The following PTPN12 variants were observed in gnomAD, a reference collection of about 807,000 sequenced individuals.
PTPN12 encodes the protein tyrosine-protein phosphatase non-receptor type 12.
PTPN12 carries 29 observed loss-of-function variants against 97.6 expected under a neutral mutation model. That is an observed-to-expected ratio of 0.30 (90% confidence interval 0.22 to 0.41). PTPN12 has a LOEUF of 0.41. PTPN12 is among the 10% of genes least tolerant of loss of function. The pLI is 1.00. For synonymous variants in PTPN12, 327 were observed against 300.4 expected, an observed-to-expected ratio of 1.09 and a Z score of -0.91; for missense variants, 819 against 926.0, an observed-to-expected ratio of 0.88 and a Z score of 1.50.
At chr7:77,612,384 T>C (rs1395776286) in intron 11 of PTPN12, among the ~76,000 whole-genome samples, 2 of 152,244 alleles carry the variant, frequency 1.3e-5, no homozygotes, top group African/African-American at 2.4e-5. Flanking sequence ...TATTATGACA[T>C]GCTCTGAATC....
chr7:77,584,763 G>A (rs1005813782), intron 4 of PTPN12, among the ~76,000 whole-genome samples: 1 of 151,946 alleles, frequency 6.6e-6, no homozygotes, highest in Non-Finnish European at 1.5e-5. Context: ...TGTAGTCCCA[G>A]CTACTCAGCA....
intron 12 of PTPN12, among the ~76,000 whole-genome samples, chr7:77,624,816 A>G (rs1482552505): frequency 6.6e-6 from 1 of 151,676 alleles, no homozygotes; most frequent in African/African-American, 2.4e-5. Flanking sequence ...AAAAAGGTTG[A>G]TCACCTGGGG....
At chr7:77,560,872 A>C (rs925853211) in intron 1 of PTPN12, among the ~76,000 whole-genome samples, 2 of 151,792 alleles carry the variant, frequency 1.3e-5, no homozygotes, top group African/African-American at 4.8e-5. Flanking sequence ...TTGTACAAAT[A>C]TCTGTTCGAG....
At chr7:77,548,577 A>G (rs1203116299) in intron 1 of PTPN12, among the ~76,000 whole-genome samples, 1 of 152,234 alleles carries the variant, frequency 6.6e-6, no homozygotes. Context: ...AGGAAAGCAG[A>G]TGCTTTTTAT....
chr7:77,628,105 TC>T (rs1789267171), intron 13 of PTPN12, among the ~76,000 whole-genome samples: 1 of 152,194 alleles, frequency 6.6e-6, no homozygotes, highest in Admixed American at 6.5e-5. Context: ...TTTTTACTGT[TC>T]CTTTAACTAC....
Position 77,635,804 on chromosome 7 carries a change from G to C in PTPN12, c.2097G>C (p.Trp699Cys). 1 of 1,605,880 alleles carries C rather than the reference G, an allele frequency of 6.2e-7. No homozygotes were observed. The highest frequency in any genetic ancestry group is 8.5e-7 in the Non-Finnish European group (1 of 1,176,802). The change falls in exon 15 of 18, where the codon TGG (tryptophan) becomes TGC (cysteine). Residue 699 changes from tryptophan to cysteine, a missense_variant. Coordinates refer to ENST00000248594, the MANE Select transcript of PTPN12 (RefSeq NM_002835.4). ...SEHNTPVRSE[W>C]SELQSQERSE... ...CAGATACACCTGTAAGATCGGAATG[G>C]AGTGAACTTCAAAGTCAGGAACGAT...
intron 1 of PTPN12, among the ~76,000 whole-genome samples, chr7:77,557,003 G>C (rs1807748913): frequency 6.6e-6 from 1 of 151,786 alleles, no homozygotes; most frequent in Non-Finnish European, 1.5e-5. Context: ...CGGTCTCGCT[G>C]TTGTCCAGGC....
At chr7:77,638,561 G>C in intron 16 of PTPN12, 63 bp from the exon 17 acceptor site, 1 of 1,402,448 alleles carries the variant, frequency 7.1e-7, no homozygotes, top group Non-Finnish European at 9.3e-7. Context: ...AAAAATTAAA[G>C]AGTTATATAT....
At chr7:77,610,053 T>A (rs2151375742) in intron 9 of PTPN12, among the ~76,000 whole-genome samples, 1 of 152,392 alleles carries the variant, frequency 6.6e-6, no homozygotes, top group East Asian at 1.9e-4. Context: ...TTTCTCACTC[T>A]TTCAGACTGT....
intron 1 of PTPN12, among the ~76,000 whole-genome samples, chr7:77,543,344 CTT>C (rs10545350): frequency 0.29 from 39,752 of 137,264 alleles, 5,628 homozygotes; most frequent in Middle Eastern, 0.33. Flanking sequence ...CTTCCACTGC[CTT>C]TTTTTTTTTT....
intron 8 of PTPN12, among the ~76,000 whole-genome samples, chr7:77,606,046 C>T (rs1253124116): frequency 6.8e-6 from 1 of 146,232 alleles, no homozygotes; most frequent in Non-Finnish European, 1.5e-5. Flanking sequence ...CCTCCACTTC[C>T]CCGGTTCAAG....
In PTPN12 at chr7:77,592,393, T is replaced by C. The variant is rs563627641; in HGVS notation, c.492+137T>C. 29 of 673,718 alleles carry C rather than the reference T, an allele frequency of 4.3e-5. No individual in the cohort carries two copies. In the East Asian group the frequency reaches 9.1e-4, roughly 21 times the overall value. The allele number at this position is 673,718 out of a possible 1,614,324, so 41.7% of individuals were successfully genotyped here. On this transcript the variant is annotated intron_variant, in intron 6 of 17. Coordinates refer to ENST00000248594, the MANE Select transcript of PTPN12 (RefSeq NM_002835.4). ...AAACCTATGCTTACATTTAAAAAAATTTTGTTTATATACTGCTTTTAAATT... is the reference window on the plus strand; with the variant it reads ...AAACCTATGCTTACATTTAAAAAAACTTTGTTTATATACTGCTTTTAAATT...
rs1274850875 is a variant in PTPN12 at position 77,625,516 on chromosome 7, TCTCTCTCA to T, written c.1026-1183_1026-1176del. Among the ~76,000 whole-genome samples the T allele has an allele frequency of 5.8e-4, 58 of 100,348 alleles. 1 individual carries two copies. Among genetic ancestry groups the T allele is most frequent in the East Asian group, 1.7e-3 (6 of 3,462 alleles). 65.8% of individuals were successfully genotyped at this position (100,348 alleles called of 152,430 possible). On this transcript the variant is annotated intron_variant, in intron 12 of 17. Coordinates refer to ENST00000248594, the MANE Select transcript of PTPN12 (RefSeq NM_002835.4). Reference sequence around the variant, plus strand: ...CTCTCTCTCTCTCTCTCTCTCTCTCTCTCTCTCACTCTCACTCTCACTCGCGCTCTCTC... The same window carrying T: ...CTCTCTCTCTCTCTCTCTCTCTCTCTCTCTCACTCTCACTCGCGCTCTCTC...
chr7:77,552,280 G>A (rs191350456), intron 1 of PTPN12, among the ~76,000 whole-genome samples: 1 of 150,704 alleles, frequency 6.6e-6, no homozygotes, highest in Admixed American at 6.7e-5. Context: ...CTGCTCCCTG[G>A]TGGATTACTT....
intron 8 of PTPN12, among the ~76,000 whole-genome samples, chr7:77,605,581 G>A (rs907223996): frequency 2.7e-5 from 2 of 74,998 alleles, no homozygotes; most frequent in African/African-American, 9.5e-5. Context: ...TACCACGCCC[G>A]GCTAATTTTT....
At chr7:77,577,977 G>C (rs1321927604) in intron 2 of PTPN12, among the ~76,000 whole-genome samples, 2 of 152,090 alleles carry the variant, frequency 1.3e-5, no homozygotes, top group Non-Finnish European at 2.9e-5. Flanking sequence ...TCATTATACT[G>C]TTCTATTTTG....
chr7:77,636,978 A>G (rs1291962111), intron 15 of PTPN12, 40 bp from the exon 16 acceptor site: 3 of 1,504,338 alleles, frequency 2.0e-6, no homozygotes, highest in Middle Eastern at 1.7e-4. Context: ...TGTATATAAA[A>G]TGAATGTATT....
Position 77,632,384 on chromosome 7 carries a change from C to T in PTPN12, c.2033C>T (p.Pro678Leu), listed in dbSNP as rs767180759. 1 of 1,611,488 alleles carries T rather than the reference C, an allele frequency of 6.2e-7. No homozygotes were observed. The highest frequency in any genetic ancestry group is 8.5e-7 in the Non-Finnish European group (1 of 1,177,742). ...DVSEDSPPPL[P>L]ERTPESFVLA... ...AGTGAAGATTCACCTCCTCCCCTAC[C>T]TGAAAGAACTCCTGAATCGTTTGTG... is the stretch of plus-strand genomic sequence containing the variant. Residue 678 changes from proline (P) to leucine (L), a missense_variant, in exon 14 of 18, where the codon CCT becomes CTT. Physicochemically the swap from Pro to Leu is moderately conservative, Grantham distance 98. This residue lies in a region of PTPN12 where 607 missense variants were observed against 577.3 expected (regional missense o/e 1.05). Coordinates refer to ENST00000248594, the MANE Select transcript of PTPN12 (RefSeq NM_002835.4).
intron 1 of PTPN12, among the ~76,000 whole-genome samples, chr7:77,558,295 A>AG (rs1293592305): frequency 6.6e-6 from 1 of 152,138 alleles, no homozygotes; most frequent in Non-Finnish European, 1.5e-5. Context: ...AGGTCCATTA[A>AG]GGGGAGGGTA....
Sources: gnomAD v4.1 joint callset for allele counts (sites outside exome capture counted in the v4.1 genomes callset) on GRCh38, gnomAD v4.1.1 for gene constraint, gnomAD v4.1.1 regional missense constraint, MANE v1.5 for transcripts, NCBI Gene and HGNC (gene_info 2026-07-23, HGNC 2026-07-21) for gene names.